ARHGEF4: variants seen among roughly 807,000 people sequenced by gnomAD.
ARHGEF4 encodes Rho guanine nucleotide exchange factor 4, also known as APC-stimulated guanine nucleotide exchange factor 1.
In ARHGEF4, 119 loss-of-function variants were observed where a neutral mutation model predicts 162.0. The ratio of observed to expected loss-of-function variants is 0.73; its 90% CI spans 0.63 to 0.86. The LOEUF (loss-of-function observed/expected upper bound fraction) is 0.86, where lower values mean the gene tolerates loss of function less well. ARHGEF4 is among the 40% of genes least tolerant of loss of function. The pLI is 0.00. For synonymous variants in ARHGEF4, 1,014 were observed against 979.9 expected (o/e 1.03, Z -0.65); for missense variants, 2,488 against 2,456.0 (o/e 1.01, Z -0.28).
At chr2:130,991,662 G>A (rs1686990003) in intron 4 of ARHGEF4, among the ~76,000 whole-genome samples, 1 of 152,234 alleles carries the variant, frequency 6.6e-6, no homozygotes, top group Non-Finnish European at 1.5e-5. Flanking sequence ...ATTTCTCACT[G>A]GGCCTTAGCT....
At chr2:131,042,193 C>A (rs995633902) in intron 10 of ARHGEF4, among the ~76,000 whole-genome samples, 4 of 152,212 alleles carry the variant, frequency 2.6e-5, no homozygotes, top group Non-Finnish European at 5.9e-5. Context: ...AGCAGCCAGC[C>A]AGCCCAGGAG....
chr2:130,903,705 T>A (rs1464836378), intron 1 of ARHGEF4, among the ~76,000 whole-genome samples: 1 of 152,172 alleles, frequency 6.6e-6, no homozygotes, highest in Non-Finnish European at 1.5e-5. Context: ...CTCCCCCAAA[T>A]GTTTATTATT....
At chr2:130,999,430 A>G (rs1041991911) in intron 4 of ARHGEF4, among the ~76,000 whole-genome samples, 8 of 152,164 alleles carry the variant, frequency 5.3e-5, no homozygotes, top group African/African-American at 2.4e-5. Flanking sequence ...TGCTGGGATT[A>G]CAGGCATGAG....
At chr2:131,005,616 C>T (rs1053073404) in intron 4 of ARHGEF4, among the ~76,000 whole-genome samples, 3 of 152,206 alleles carry the variant, frequency 2.0e-5, no homozygotes, top group Non-Finnish European at 2.9e-5. Context: ...TCTTCCCAGT[C>T]CCAGGGGCTT....
In ARHGEF4 at chr2:131,040,442, T is replaced by A; in HGVS notation, c.4662+2T>A. 1 of 1,569,102 alleles carries A rather than the reference T, an allele frequency of 6.4e-7. No homozygotes were observed. The highest frequency in any genetic ancestry group is 1.9e-5 in the Admixed American group (1 of 53,542). ...CTGGGTGCCTGCTTCCTGGAGCATG[T>A]GAGCGCGCGGCCCCCGGCCCCTACC... On this transcript the variant is annotated splice_donor_variant, in intron 8 of 13. Coordinates refer to ENST00000409359, the MANE Select transcript of ARHGEF4 (RefSeq NM_001367493.1). LOFTEE classifies it high-confidence loss of function.
chr2:130,884,303 C>T (rs1679377119), intron 1 of ARHGEF4, among the ~76,000 whole-genome samples: 1 of 145,452 alleles, frequency 6.9e-6, no homozygotes, highest in African/African-American at 2.8e-5. Flanking sequence ...TAGGCACGTG[C>T]ACACACACAC....
chr2:131,046,225 C>A lies in ARHGEF4; in HGVS notation c.*36C>A, dbSNP rs1332796505. ...GCCTGACAGCACCTGCTGGGCCTTC[C>A]TGCCAGTGGCCCCCAGTTTTTCTTC... On this transcript the variant is annotated 3_prime_UTR_variant, in exon 14 of 14. Transcript: ENST00000409359. The A allele has an allele frequency of 1.9e-6, 3 of 1,577,180 alleles. No homozygotes were observed. Among genetic ancestry groups the A allele is most frequent in the African/African-American group, 2.7e-5 (2 of 74,162 alleles).
intron 4 of ARHGEF4, among the ~76,000 whole-genome samples, chr2:130,950,151 G>A (rs1187536823): frequency 6.6e-6 from 1 of 152,232 alleles, no homozygotes; most frequent in African/African-American, 2.4e-5. Flanking sequence ...TGAATGCCAT[G>A]AGTCAGCGCC....
At chr2:130,978,163 A>C (rs1685878004) in intron 4 of ARHGEF4, among the ~76,000 whole-genome samples, 1 of 152,154 alleles carries the variant, frequency 6.6e-6, no homozygotes, top group Non-Finnish European at 1.5e-5. Flanking sequence ...GCAACTGTCT[A>C]TGGGACCCTC....
intron 6 of ARHGEF4, chr2:131,039,633 A>T (rs1690605294): frequency 8.8e-7 from 1 of 1,133,642 alleles, no homozygotes; most frequent in African/African-American, 1.7e-5. Flanking sequence ...CCGCACCCTA[A>T]GCCTTTCCCC....
intron 4 of ARHGEF4, among the ~76,000 whole-genome samples, chr2:130,947,871 G>C (rs1257949538): frequency 2.0e-5 from 3 of 152,196 alleles, no homozygotes; most frequent in Non-Finnish European, 4.4e-5. Flanking sequence ...GTTAGGTGGT[G>C]ACCTTACAGT....
chr2:130,916,408 G>A lies in ARHGEF4; in HGVS notation c.2462G>A (p.Gly821Asp), dbSNP rs1173471078. The change falls in exon 2 of 14, where the codon GGT becomes GAT. Residue 821 changes from glycine (G) to aspartate (D), a missense_variant. By Grantham distance (94) the Gly-to-Asp change is moderately conservative. Coordinates refer to ENST00000409359, the MANE Select transcript of ARHGEF4 (RefSeq NM_001367493.1). ...GGGGTCCCGGCCCCGACCACCGAGGGTCGCCGCTGGGGCTCTTCAGGCCCC... is the reference window on the plus strand; with the variant it reads ...GGGGTCCCGGCCCCGACCACCGAGGATCGCCGCTGGGGCTCTTCAGGCCCC... The part of the protein sequence containing the change: ...PGGVPAPTTE[G>D]RRWGSSGPEG... The A allele has an allele frequency of 9.2e-6, 14 of 1,529,138 alleles. No individual in the cohort carries two copies. The highest frequency in any genetic ancestry group is 2.2e-4 in the Middle Eastern group (1 of 4,606). The allele number at this position is 1,529,138 out of a possible 1,614,324, so 94.7% of individuals were successfully genotyped here. A position where few individuals can be genotyped will look rare whatever the true frequency, so the allele number is the denominator to read the frequency against.
intron 1 of ARHGEF4, among the ~76,000 whole-genome samples, chr2:130,885,830 A>G (rs1679489216): frequency 6.7e-6 from 1 of 149,902 alleles, no homozygotes; most frequent in Non-Finnish European, 1.5e-5. Context: ...TCGGCCTCCC[A>G]AAGTAATGGG....
intron 4 of ARHGEF4, among the ~76,000 whole-genome samples, chr2:130,985,954 G>GCA (rs1686460908): frequency 6.6e-6 from 1 of 151,448 alleles, no homozygotes; most frequent in Admixed American, 6.6e-5. Flanking sequence ...AGTGTTGTGT[G>GCA]TGTGTGGTGT....
At chr2:131,021,082 ATTAGCCC>A in intron 4 of ARHGEF4, among the ~76,000 whole-genome samples, 1 of 152,220 alleles carries the variant, frequency 6.6e-6, no homozygotes, top group African/African-American at 2.4e-5. Context: ...GATTCTGGAT[ATTAGCCC>A]TTTGTCAGAT....
At chr2:130,949,800 C>A (rs1049860754) in intron 4 of ARHGEF4, among the ~76,000 whole-genome samples, 1 of 152,190 alleles carries the variant, frequency 6.6e-6, no homozygotes, top group Non-Finnish European at 1.5e-5. Context: ...AGGTCCCCAC[C>A]ACCATGCCCA....
intron 3 of ARHGEF4, among the ~76,000 whole-genome samples, chr2:130,935,323 C>T (rs904206873): frequency 1.3e-5 from 2 of 152,132 alleles, no homozygotes; most frequent in Non-Finnish European, 2.9e-5. Context: ...CAGGCATGAG[C>T]CACTGCACCT....
At chr2:130,998,786 C>A (rs968529551) in intron 4 of ARHGEF4, among the ~76,000 whole-genome samples, 11 of 152,204 alleles carry the variant, frequency 7.2e-5, no homozygotes, top group Admixed American at 5.9e-4. Context: ...CATTTGTGTA[C>A]ACGTTTTGTG....
rs1431195359 is a variant in ARHGEF4, at chr2:131,035,110, C to T, written c.4126-3743C>T. ...GGGCGCCATGGCGAGGGCCCCGCAG[C>T]CCCGGCGCGGCCCCGCGGCGCCCGG... is the stretch of plus-strand genomic sequence containing the variant. On this transcript the variant is annotated intron_variant, in intron 5 of 13. Coordinates refer to ENST00000409359, the MANE Select transcript of ARHGEF4 (RefSeq NM_001367493.1). 3.6e-6 allele frequency: 4 copies of T among 1,124,644 alleles called. No individual in the cohort carries two copies. The African/African-American group carries it at 5.0e-5, about 14-fold the overall frequency. 69.7% of individuals were successfully genotyped at this position (1,124,644 alleles called of 1,614,324 possible). A position where few individuals can be genotyped will look rare whatever the true frequency, so the allele number is the denominator to read the frequency against.
Sources: gnomAD v4.1 joint callset for allele counts (sites outside exome capture counted in the v4.1 genomes callset) on GRCh38, gnomAD v4.1.1 for gene constraint, MANE v1.5 for transcripts, NCBI Gene and HGNC (gene_info 2026-07-23, HGNC 2026-07-21) for gene names.